Variants in NR6A1 observed in about 807,000 individuals in gnomAD.
NR6A1 encodes nuclear receptor subfamily 6 group A member 1.
A neutral mutation model predicts 59.1 loss-of-function variants in NR6A1; 7 were observed. The observed-to-expected ratio is 0.12, with a 90% CI of 0.07 to 0.22. The LOEUF (loss-of-function observed/expected upper bound fraction) is 0.22, where lower values mean the gene tolerates loss of function less well. Ranked by LOEUF, NR6A1 falls within the 10% of genes least tolerant of loss-of-function variation. NR6A1 has a pLI of 1.00. For synonymous variants in NR6A1, 243 were observed against 236.1 expected, an observed-to-expected ratio of 1.03 and a Z score of -0.27; for missense variants, 468 against 611.6, an observed-to-expected ratio of 0.77 and a Z score of 2.48.
At chr9:124,551,652 T>C (rs1338544443) in intron 3 of NR6A1, among the ~76,000 whole-genome samples, 1 of 152,248 alleles carries the variant, frequency 6.6e-6, no homozygotes, top group Non-Finnish European at 1.5e-5. Flanking sequence ...AGTGTGGTTA[T>C]GTGACTAATT....
intron 1 of NR6A1, among the ~76,000 whole-genome samples, chr9:124,768,524 G>A (rs1350937022): frequency 6.6e-6 from 1 of 152,250 alleles, no homozygotes; most frequent in South Asian, 2.1e-4. Context: ...ACGGTCTAGC[G>A]TCTAGTGTAT....
Position 124,570,005 on chromosome 9 carries a change from G to A in NR6A1, c.143-15435C>T, listed in dbSNP as rs151195284. Among the ~76,000 whole-genome samples, 465 of 152,210 alleles carry A rather than the reference G, an allele frequency of 3.1e-3. 3 individuals are homozygous for A. Among genetic ancestry groups the A allele is most frequent in the African/African-American group, 0.011 (446 of 41,524 alleles). ...AAAGTCTGGGAGCCCAATTTACTAT[G>A]CCAAAGGAAAAAAAAATTAAGCTGA... On this transcript the variant is annotated intron_variant, in intron 2 of 9. Coordinates refer to ENST00000487099, the MANE Select transcript of NR6A1 (RefSeq NM_033334.4).
intron 1 of NR6A1, among the ~76,000 whole-genome samples, chr9:124,753,744 T>C (rs1840567580): frequency 1.3e-5 from 2 of 152,192 alleles, no homozygotes; most frequent in Non-Finnish European, 2.9e-5. Flanking sequence ...AGAGAGACTT[T>C]GGGTAGGGGA....
rs1349202555 is a variant in NR6A1 at position 124,520,824 on chromosome 9, G to A, written c.*1881C>T. The A allele has an allele frequency of 6.6e-6, 1 of 152,226 alleles. No individual in the cohort carries two copies. The highest frequency in any genetic ancestry group is 1.9e-4 in the East Asian group (1 of 5,200). The allele number at this position is 152,226 out of a possible 1,614,324, so 9.4% of individuals were successfully genotyped here. A position where few individuals can be genotyped will look rare whatever the true frequency, so the allele number is the denominator to read the frequency against. On this transcript the variant is annotated 3_prime_UTR_variant, in exon 10 of 10. Transcript: ENST00000487099. The stretch of plus-strand genomic sequence containing the variant: ...ATCTTCCCACTGACGTGAAAAACAT[G>A]CTAGCTGGAGCTTTTCCTGAGGAAC...
At chr9:124,760,997 G>C (rs569334075) in intron 1 of NR6A1, among the ~76,000 whole-genome samples, 179 of 152,322 alleles carry the variant, frequency 1.2e-3, no homozygotes, top group Non-Finnish European at 1.8e-3. Context: ...AGGCATCTTG[G>C]GGGAAGGATT....
intron 2 of NR6A1, among the ~76,000 whole-genome samples, chr9:124,667,521 T>C (rs1171579258): frequency 6.6e-6 from 1 of 152,218 alleles, no homozygotes; most frequent in Non-Finnish European, 1.5e-5. Context: ...AGTTGGGATA[T>C]TAATGGTGAA....
At chr9:124,561,457 A>C (rs1054678265) in intron 2 of NR6A1, among the ~76,000 whole-genome samples, 1 of 152,182 alleles carries the variant, frequency 6.6e-6, no homozygotes, top group African/African-American at 2.4e-5. Context: ...CAAAACAAAC[A>C]AAAACAACTG....
intron 2 of NR6A1, chr9:124,599,509 G>T: frequency 5.6e-6 from 3 of 532,848 alleles, no homozygotes; most frequent in African/African-American, 2.0e-5. Flanking sequence ...TAAACTGAGG[G>T]TCATGGTTGG....
At chr9:124,738,398 T>C (rs992087617) in intron 1 of NR6A1, among the ~76,000 whole-genome samples, 5 of 151,804 alleles carry the variant, frequency 3.3e-5, no homozygotes, top group African/African-American at 7.3e-5. Flanking sequence ...TTCTGAGAAA[T>C]CCAGGGTCTT....
At chr9:124,551,615 T>A (rs1216754282) in intron 3 of NR6A1, among the ~76,000 whole-genome samples, 1 of 152,218 alleles carries the variant, frequency 6.6e-6, no homozygotes, top group Non-Finnish European at 1.5e-5. Context: ...TTTTCAAAGG[T>A]TAGCTCCTTT....
chr9:124,540,946 C>T (rs1184977214), intron 4 of NR6A1, among the ~76,000 whole-genome samples: 2 of 151,948 alleles, frequency 1.3e-5, no homozygotes, highest in Non-Finnish European at 2.9e-5. Flanking sequence ...CCCCAAAAGA[C>T]ATCGACCCCT....
At chr9:124,747,937 C>A (rs181977342) in intron 1 of NR6A1, among the ~76,000 whole-genome samples, 6 of 152,294 alleles carry the variant, frequency 3.9e-5, no homozygotes, top group African/African-American at 1.4e-4. Context: ...CCCTTTTCAA[C>A]TTTTTAGCAT....
At chr9:124,612,932 C>T (rs376824349) in intron 2 of NR6A1, among the ~76,000 whole-genome samples, 6 of 152,184 alleles carry the variant, frequency 3.9e-5, no homozygotes, top group South Asian at 4.2e-4. Flanking sequence ...CTTTAAAATG[C>T]CCATGCCATT....
At chr9:124,713,211 TG>T (rs2131076274) in intron 2 of NR6A1, among the ~76,000 whole-genome samples, 1 of 151,706 alleles carries the variant, frequency 6.6e-6, no homozygotes, top group South Asian at 2.1e-4. Flanking sequence ...GAGAAAAAAA[TG>T]AAGCTGGCCT....
intron 1 of NR6A1, among the ~76,000 whole-genome samples, chr9:124,756,859 C>A (rs1056917440): frequency 6.6e-6 from 1 of 152,094 alleles, no homozygotes; most frequent in Non-Finnish European, 1.5e-5. Context: ...TCTAGGGTGT[C>A]TCTGCCACCC....
chr9:124,741,111 C>T (rs1374041759), intron 1 of NR6A1, among the ~76,000 whole-genome samples: 2 of 151,784 alleles, frequency 1.3e-5, no homozygotes, highest in African/African-American at 4.9e-5. Flanking sequence ...ATACAGTTGC[C>T]ACTAGCTACA....
At chr9:124,592,445 G>A (rs1287323009) in intron 2 of NR6A1, among the ~76,000 whole-genome samples, 1 of 152,034 alleles carries the variant, frequency 6.6e-6, no homozygotes, top group African/African-American at 2.4e-5. Flanking sequence ...TATATCAGAG[G>A]GGCAGAATCA....
At chr9:124,583,798 G>C (rs868818648) in intron 2 of NR6A1, among the ~76,000 whole-genome samples, 1 of 152,106 alleles carries the variant, frequency 6.6e-6, no homozygotes, top group Non-Finnish European at 1.5e-5. Flanking sequence ...TCCTGAGTGA[G>C]GCCTAACCTG....
Position 124,752,400 on chromosome 9 carries a change from T to C in NR6A1, c.100+18620A>G, listed in dbSNP as rs1840527973. On this transcript the variant is annotated intron_variant, in intron 1 of 9. Coordinates refer to ENST00000487099, the MANE Select transcript of NR6A1 (RefSeq NM_033334.4). ...AAGGATAAAATTTTTAAAAATCAAATTATAATCTAGGCTTCAATTATGGTA... is the reference window on the plus strand; with the variant it reads ...AAGGATAAAATTTTTAAAAATCAAACTATAATCTAGGCTTCAATTATGGTA... Among the ~76,000 whole-genome samples the C allele has an allele frequency of 3.3e-5, 5 of 152,200 alleles. No homozygotes were observed. In the South Asian group the frequency reaches 1.0e-3, roughly 31 times the overall value.
Sources: allele counts gnomAD v4.1 joint callset (sites outside exome capture counted in the v4.1 genomes callset), GRCh38; gene constraint gnomAD v4.1.1; transcripts MANE v1.5; gene names NCBI Gene and HGNC (gene_info 2026-07-23, HGNC 2026-07-21).